Variants in IQSEC1 observed in about 807,000 individuals in gnomAD.
The protein encoded by IQSEC1 is IQ motif and SEC7 domain-containing protein 1.
A neutral mutation model predicts 91.0 loss-of-function variants in IQSEC1; 31 were observed. The observed-to-expected ratio is 0.34, with a 90% CI of 0.26 to 0.46. The LOEUF (loss-of-function observed/expected upper bound fraction) is 0.46. IQSEC1 is among the 20% of genes least tolerant of loss of function. The pLI, the probability that IQSEC1 is intolerant of heterozygous loss-of-function variation, is 1.00. For missense variants in IQSEC1, 1,388 were observed against 1,575.6 expected (o/e 0.88, Z 2.02); for synonymous variants, 699 against 662.6 (o/e 1.05, Z -0.84).
intron 1 of IQSEC1, among the ~76,000 whole-genome samples, chr3:13,173,838 A>G (rs866875840): frequency 1.1e-4 from 17 of 152,290 alleles, no homozygotes; most frequent in Middle Eastern, 6.8e-3. Flanking sequence ...AACCTGTTAG[A>G]AATGCAAATT....
At chr3:12,952,703 T>C (rs954344913) in intron 1 of IQSEC1, among the ~76,000 whole-genome samples, 1 of 152,186 alleles carries the variant, frequency 6.6e-6, no homozygotes, top group Admixed American at 6.5e-5. Context: ...CTCTCCGCTC[T>C]GGCACGCTCT....
At chr3:13,030,924 T>C (rs553170690) in intron 1 of IQSEC1, among the ~76,000 whole-genome samples, 27 of 152,258 alleles carry the variant, frequency 1.8e-4, no homozygotes, top group Non-Finnish European at 3.7e-4. Flanking sequence ...TGTTTCACAC[T>C]TTCAACAATA....
In IQSEC1 at chr3:13,234,647, C is replaced by G. The variant is rs903906790; in HGVS notation, c.272+48064G>C. ...ACACAGGTTATGCCTGCAGCAGCAG[C>G]GAGAATCAAGTGAAATTGCCCAGTG... On this transcript the variant is annotated intron_variant, in intron 1 of 15. Transcript: ENST00000648114. Among the ~76,000 whole-genome samples the G allele has an allele frequency of 2.0e-5, 3 of 152,286 alleles. No individual in the cohort carries two copies. The East Asian group carries it at 5.8e-4, about 29-fold the overall frequency.
chr3:13,226,875 CTGCTT>C (rs72219962), intron 1 of IQSEC1, among the ~76,000 whole-genome samples: 26,918 of 151,970 alleles, frequency 0.18, 3,273 homozygotes, highest in East Asian at 0.33. Context: ...CCCCAGGTCT[CTGCTT>C]CCTCACCTCC....
At chr3:13,003,630 C>T (rs1160985060) in intron 1 of IQSEC1, among the ~76,000 whole-genome samples, 1 of 151,992 alleles carries the variant, frequency 6.6e-6, no homozygotes, top group Non-Finnish European at 1.5e-5. Context: ...GTAAAGTATC[C>T]CTCAATAAAG....
In IQSEC1 at chr3:12,943,060, C is replaced by A. The variant is rs369941283; in HGVS notation, c.24-1195G>T. On this transcript the variant is annotated intron_variant, in intron 1 of 13. Coordinates refer to ENST00000613206, the MANE Select transcript of IQSEC1 (RefSeq NM_001134382.3). Reference sequence around the variant, plus strand: ...TCATACATTGCTGTATATACATTTTCTCTAAATCTTAAAAGCAGTCTACAA... The same window carrying A: ...TCATACATTGCTGTATATACATTTTATCTAAATCTTAAAAGCAGTCTACAA... 4.1e-4 allele frequency among the ~76,000 whole-genome samples: 63 copies of A among 152,334 alleles called. 2 individuals carry two copies. The South Asian group carries it at 0.013, about 31-fold the overall frequency.
intron 2 of IQSEC1, among the ~76,000 whole-genome samples, chr3:13,112,721 C>T (rs773393628): frequency 5.3e-5 from 8 of 152,172 alleles, no homozygotes; most frequent in Non-Finnish European, 7.4e-5. Flanking sequence ...GCTTTGGGTA[C>T]GGGGGCGAGC....
chr3:13,026,853 T>C (rs930614531), intron 1 of IQSEC1, among the ~76,000 whole-genome samples: 2 of 149,350 alleles, frequency 1.3e-5, no homozygotes, highest in African/African-American at 4.9e-5. Context: ...GTAGCAGTTA[T>C]TATCTCCCCA....
chr3:13,234,854 T>C (rs578109069), intron 1 of IQSEC1, among the ~76,000 whole-genome samples: 1 of 152,354 alleles, frequency 6.6e-6, no homozygotes, highest in African/African-American at 2.4e-5. Flanking sequence ...TCTCCCCGCA[T>C]GAAAGCTAAT....
At chr3:12,990,026 C>A (rs1331160152) in intron 1 of IQSEC1, among the ~76,000 whole-genome samples, 1 of 152,216 alleles carries the variant, frequency 6.6e-6, no homozygotes, top group East Asian at 1.9e-4. Context: ...CTTGGATAAG[C>A]CCCAAACCTG....
chr3:12,899,725 C>G lies in IQSEC1; in HGVS notation c.*1258G>C, dbSNP rs1479983498. On this transcript the variant is annotated 3_prime_UTR_variant, in exon 14 of 14. Transcript: ENST00000613206. ...CAGAAAACAAAACGGGAAACACACA[C>G]ACCGCCCTGGGTTGCTAAACGCTAA... The G allele has an allele frequency of 2.0e-6, 2 of 985,316 alleles. No individual in the cohort carries two copies. The highest frequency in any genetic ancestry group is 1.7e-5 in the African/African-American group (1 of 57,222). 61.0% of individuals were successfully genotyped at this position (985,316 alleles called of 1,614,324 possible).
chr3:13,264,635 G>A (rs988735996), intron 1 of IQSEC1, among the ~76,000 whole-genome samples: 6 of 152,130 alleles, frequency 3.9e-5, no homozygotes, highest in African/African-American at 1.4e-4. Context: ...AGGAAGGCTG[G>A]CACTGAGGGT....
At chr3:13,206,403 A>G (rs1366944974) in intron 1 of IQSEC1, among the ~76,000 whole-genome samples, 2 of 152,198 alleles carry the variant, frequency 1.3e-5, no homozygotes, top group East Asian at 3.8e-4. Flanking sequence ...ATCCTTAATC[A>G]TTAGGAAAAT....
intron 1 of IQSEC1, among the ~76,000 whole-genome samples, chr3:13,183,837 G>C (rs1337780422): frequency 6.6e-6 from 1 of 152,096 alleles, no homozygotes; most frequent in African/African-American, 2.4e-5. Context: ...ATCAATAAAA[G>C]AAGAGAAAAA....
intron 3 of IQSEC1, among the ~76,000 whole-genome samples, chr3:12,931,705 C>T (rs994848228): frequency 1.3e-5 from 2 of 152,196 alleles, no homozygotes; most frequent in Non-Finnish European, 2.9e-5. Flanking sequence ...CCTGCAGGAT[C>T]CCAGTGACAG....
rs958863761 is a variant in IQSEC1 at position 13,148,357 on chromosome 3, G to A, written c.302+15747C>T. ...CACATCCACCCCTCTCCCCAAGCCCGGCACAGCCCGCCTCTGAGCCACCAT... is the reference window on the plus strand; with the variant it reads ...CACATCCACCCCTCTCCCCAAGCCCAGCACAGCCCGCCTCTGAGCCACCAT... On this transcript the variant is annotated intron_variant, in intron 2 of 15. Coordinates refer to the IQSEC1 transcript ENST00000648114. Among the ~76,000 whole-genome samples, 7 of 152,168 alleles carry A rather than the reference G, an allele frequency of 4.6e-5. No homozygotes were observed. The Middle Eastern group carries it at 0.01, about 222-fold the overall frequency.
intron 2 of IQSEC1, among the ~76,000 whole-genome samples, chr3:13,112,786 A>G (rs984391544): frequency 6.6e-6 from 1 of 152,170 alleles, no homozygotes; most frequent in African/African-American, 2.4e-5. Context: ...GCCTGACCAC[A>G]GGGCCCAGGT....
At position 13,134,282 on chromosome 3, in the gene IQSEC1, T is replaced by C. The variant is rs1217247195; in HGVS notation, c.302+29822A>G. Reference sequence around the variant, plus strand: ...CCCACAGGCCATGTTCTCAGCCACCTTTGACCTCCAGGAGAAGTGAATAAC... The same window carrying C: ...CCCACAGGCCATGTTCTCAGCCACCCTTGACCTCCAGGAGAAGTGAATAAC... On this transcript the variant is annotated intron_variant, in intron 2 of 15. Transcript: ENST00000648114. Among the ~76,000 whole-genome samples the C allele has an allele frequency of 2.0e-5, 3 of 152,332 alleles. No individual in the cohort carries two copies. In the East Asian group the frequency reaches 5.8e-4, roughly 29 times the overall value.
intron 13 of IQSEC1, 104 bp from the exon 14 acceptor site, chr3:12,901,626 G>A (rs1269833985): frequency 5.1e-6 from 5 of 983,768 alleles, no homozygotes; most frequent in Non-Finnish European, 7.5e-6. Context: ...TGACTGCTAA[G>A]CTTTAGTTCA....
Sources: gnomAD v4.1 joint callset for allele counts (sites outside exome capture counted in the v4.1 genomes callset) on GRCh38, gnomAD v4.1.1 for gene constraint, MANE v1.5 for transcripts, NCBI Gene and HGNC (gene_info 2026-07-23, HGNC 2026-07-21) for gene names.